The following HSF2BP variants were observed in gnomAD, a reference collection of about 807,000 sequenced individuals.
HSF2BP encodes the protein heat shock transcription factor 2 binding protein.
HSF2BP carries 35 observed loss-of-function variants against 35.0 expected under a neutral mutation model. The observed-to-expected ratio is 1.00, with a 90% confidence interval of 0.76 to 1.32. HSF2BP has a LOEUF of 1.32. Among genes scored for constraint, HSF2BP ranks in the 40% most tolerant of loss-of-function variants. The pLI is 0.00. For missense variants in HSF2BP, 326 were observed against 321.7 expected, an observed-to-expected ratio of 1.01 and a Z score of -0.10; for synonymous variants, 114 against 117.4, an observed-to-expected ratio of 0.97 and a Z score of 0.18.
At position 43,633,441 on chromosome 21, in the gene HSF2BP, G is replaced by A. The variant is rs777540530; in HGVS notation, c.292-20C>T. 42 of 1,590,462 alleles carry A rather than the reference G, an allele frequency of 2.6e-5. No individual in the cohort carries two copies. Among genetic ancestry groups the A allele is most frequent in the Non-Finnish European group, 3.4e-5 (40 of 1,170,450 alleles). On this transcript the variant is annotated intron_variant, in intron 4 of 8. Transcript: ENST00000291560. The stretch of plus-strand genomic sequence containing the variant: ...TTTCTCCTAAAAGCAAAACAAAATT[G>A]AAAAATAAATAATAGCATTCAACCT...
chr21:43,629,102 T>G (rs2082423387), intron 6 of HSF2BP, among the ~76,000 whole-genome samples: 1 of 152,182 alleles, frequency 6.6e-6, no homozygotes, highest in South Asian at 2.1e-4. Context: ...CAATACCTAT[T>G]CTTCAGCTCA....
chr21:43,572,530 C>G (rs981764192), intron 8 of HSF2BP, among the ~76,000 whole-genome samples: 4 of 152,204 alleles, frequency 2.6e-5, no homozygotes, highest in African/African-American at 9.7e-5. Context: ...ACATCCAGCA[C>G]AAGCGCACAC....
In HSF2BP at chr21:43,644,390, G is replaced by GGAAATTTTAT; in HGVS notation, c.189_190insATAAAATTTC (p.Leu64IlefsTer19). 1 of 1,611,436 alleles carries GGAAATTTTAT rather than the reference G, an allele frequency of 6.2e-7. No individual in the cohort carries two copies. ...TCTAATTCTTGCTCTTTCCTTTCCA[G>GGAAATTTTAT]GTCTAGGAGAAAGACATAAAATTAC... On this transcript the variant is annotated frameshift_variant and splice_region_variant, in exon 4 of 9. Transcript: ENST00000291560. LOFTEE classifies it high-confidence loss of function.
chr21:43,625,888 C>T (rs1185398924), intron 6 of HSF2BP, among the ~76,000 whole-genome samples: 1 of 152,232 alleles, frequency 6.6e-6, no homozygotes, highest in Non-Finnish European at 1.5e-5. Context: ...TCACAGCCCA[C>T]TGCCTCACCA....
intron 7 of HSF2BP, among the ~76,000 whole-genome samples, chr21:43,606,148 G>A (rs760944481): frequency 1.1e-4 from 16 of 152,108 alleles, no homozygotes; most frequent in African/African-American, 3.1e-4. Context: ...CAGGGAGGCC[G>A]TGAGGATCAC....
chr21:43,580,126 C>T (rs1402440750), intron 8 of HSF2BP, among the ~76,000 whole-genome samples: 1 of 152,220 alleles, frequency 6.6e-6, no homozygotes, highest in African/African-American at 2.4e-5. Flanking sequence ...TGTTTGTCAC[C>T]TTTTTCAGAA....
At chr21:43,637,137 G>A (rs2082573742) in intron 4 of HSF2BP, among the ~76,000 whole-genome samples, 1 of 151,588 alleles carries the variant, frequency 6.6e-6, no homozygotes, top group South Asian at 2.1e-4. Context: ...AAATAAAAAA[G>A]AAAAAAAGAA....
At chr21:43,629,144 CTATT>C (rs1381453764) in intron 6 of HSF2BP, among the ~76,000 whole-genome samples, 3 of 152,188 alleles carry the variant, frequency 2.0e-5, no homozygotes, top group Non-Finnish European at 4.4e-5. Flanking sequence ...CTTTCAAGTC[CTATT>C]TTTTTTAAGA....
At chr21:43,626,063 G>T in intron 6 of HSF2BP, among the ~76,000 whole-genome samples, 1 of 152,112 alleles carries the variant, frequency 6.6e-6, no homozygotes, top group Admixed American at 6.5e-5. Context: ...GTTTTTAAAG[G>T]GAGGGCAATG....
At chr21:43,648,470 T>C (rs1228473351) in intron 3 of HSF2BP, among the ~76,000 whole-genome samples, 1 of 152,190 alleles carries the variant, frequency 6.6e-6, no homozygotes, top group African/African-American at 2.4e-5. Flanking sequence ...GGGGAGGCAA[T>C]GGCGCTCCAC....
chr21:43,607,979 C>T (rs2082155093), intron 7 of HSF2BP, among the ~76,000 whole-genome samples: 2 of 152,152 alleles, frequency 1.3e-5, no homozygotes, highest in Admixed American at 6.5e-5. Flanking sequence ...TGTAAGACCT[C>T]AAACTATAAA....
Position 43,658,142 on chromosome 21 carries a change from T to C in HSF2BP, c.-46A>G. 6.7e-7 allele frequency: 1 copy of C among 1,493,536 alleles called. No homozygotes were observed. The highest frequency in any genetic ancestry group is 8.9e-7 in the Non-Finnish European group (1 of 1,124,586). The allele number at this position is 1,493,536 out of a possible 1,614,324, so 92.5% of individuals were successfully genotyped here. ...CGTTCGCCTGAGCGTCGGCGCGCCC[T>C]CTGACCCCTCACGCCAGAAAGCGCG... is the stretch of plus-strand genomic sequence containing the variant. On this transcript the variant is annotated 5_prime_UTR_variant, in exon 2 of 9. Coordinates refer to ENST00000291560, the MANE Select transcript of HSF2BP (RefSeq NM_007031.2).
chr21:43,579,997 C>A (rs547017907), intron 8 of HSF2BP, among the ~76,000 whole-genome samples: 1 of 152,298 alleles, frequency 6.6e-6, no homozygotes, highest in East Asian at 1.9e-4. Flanking sequence ...GAGGGGCCAG[C>A]CTGCTTTCTG....
intron 4 of HSF2BP, among the ~76,000 whole-genome samples, chr21:43,640,708 T>G (rs2082624726): frequency 6.6e-6 from 1 of 152,184 alleles, no homozygotes; most frequent in Non-Finnish European, 1.5e-5. Flanking sequence ...TATAGATAAC[T>G]TCCCTGGACT....
chr21:43,505,427 G>A, the HSF2BP span, among the ~76,000 whole-genome samples: 1 of 106,162 alleles, frequency 9.4e-6, no homozygotes, highest in Non-Finnish European at 1.9e-5. Context: ...ACCGTGGCCA[G>A]AGCTGTGTGG....
At chr21:43,617,408 T>C (rs17004590) in intron 6 of HSF2BP, among the ~76,000 whole-genome samples, 5,895 of 151,376 alleles carry the variant, frequency 0.039, 406 homozygotes, top group African/African-American at 0.14. Context: ...AATAAATTCC[T>C]ACACAGCTTC....
intron 8 of HSF2BP, among the ~76,000 whole-genome samples, chr21:43,578,315 T>C (rs982497200): frequency 2.0e-5 from 3 of 152,034 alleles, no homozygotes; most frequent in African/African-American, 7.2e-5. Flanking sequence ...TCCTGCCCAA[T>C]TAATACAATC....
In HSF2BP at chr21:43,592,212, C is replaced by G. The variant is rs371431221; in HGVS notation, c.796+13G>C. On this transcript the variant is annotated intron_variant, in intron 8 of 8. Coordinates refer to ENST00000291560, the MANE Select transcript of HSF2BP (RefSeq NM_007031.2). Reference sequence around the variant, plus strand: ...CCCGTACAAGCAGCTGGACAGATAACCACCCCCCTTACCACTCAAAAGCCA... The same window carrying G: ...CCCGTACAAGCAGCTGGACAGATAAGCACCCCCCTTACCACTCAAAAGCCA... 6 of 1,572,572 alleles carry G rather than the reference C, an allele frequency of 3.8e-6. No individual in the cohort carries two copies. Among genetic ancestry groups the G allele is most frequent in the East Asian group, 2.2e-5 (1 of 44,682 alleles).
In HSF2BP at chr21:43,647,059, C is replaced by T. The variant is rs139201734; in HGVS notation, c.188-2667G>A. On this transcript the variant is annotated intron_variant, in intron 3 of 8. Coordinates refer to ENST00000291560, the MANE Select transcript of HSF2BP (RefSeq NM_007031.2). ...TATTTCACTTCTTTATACATTCCTT[C>T]TGCTAATCTTTGAACCAAGAAAAAC... Among the ~76,000 whole-genome samples the T allele has an allele frequency of 3.5e-4, 53 of 152,318 alleles. No individual in the cohort carries two copies. The East Asian group carries it at 0.01, about 29-fold the overall frequency.
Sources: gnomAD v4.1 joint callset for allele counts (sites outside exome capture counted in the v4.1 genomes callset) on GRCh38, gnomAD v4.1.1 for gene constraint, MANE v1.5 for transcripts, NCBI Gene and HGNC (gene_info 2026-07-23, HGNC 2026-07-21) for gene names.